The following KBTBD11 variants were observed in gnomAD, a reference collection of about 807,000 sequenced individuals.
KBTBD11 encodes kelch repeat and BTB domain containing 11, also known as kelch repeat and BTB domain-containing protein 11.
For synonymous variants in KBTBD11, 747 were observed against 499.0 expected, an observed-to-expected ratio of 1.50 and a Z score of -6.63; for missense variants, 1,390 against 1,001.8, an observed-to-expected ratio of 1.39 and a Z score of -5.23.
intron 1 of KBTBD11, among the ~76,000 whole-genome samples, chr8:1,993,199 A>G (rs1370550966): frequency 1.3e-5 from 2 of 151,998 alleles, no homozygotes; most frequent in Non-Finnish European, 2.9e-5. Context: ...CACCCACCTC[A>G]GCCTTCTGAA....
chr8:1,984,695 C>T (rs1816654597), intron 1 of KBTBD11, among the ~76,000 whole-genome samples: 1 of 152,136 alleles, frequency 6.6e-6, no homozygotes, highest in Admixed American at 6.5e-5. Flanking sequence ...CTTGACTTCC[C>T]ACAGGAGCAG....
intron 1 of KBTBD11, among the ~76,000 whole-genome samples, chr8:1,986,519 G>A (rs1008890620): frequency 6.6e-6 from 1 of 152,082 alleles, no homozygotes; most frequent in Non-Finnish European, 1.5e-5. Flanking sequence ...GAAACCAACA[G>A]CTCAGAACTT....
intron 1 of KBTBD11, among the ~76,000 whole-genome samples, chr8:1,987,320 G>A (rs1184905235): frequency 6.6e-6 from 1 of 152,178 alleles, no homozygotes; most frequent in East Asian, 1.9e-4. Context: ...GTTGAGACAT[G>A]CAGATCTAGG....
At chr8:1,998,888 T>C (rs7386546) in intron 1 of KBTBD11, among the ~76,000 whole-genome samples, 53,581 of 152,112 alleles carry the variant, frequency 0.35, 11,602 homozygotes, top group African/African-American at 0.62. Flanking sequence ...ACCGTTACAT[T>C]GTGGTCCTTT....
chr8:1,993,615 G>A (rs922197696), intron 1 of KBTBD11, among the ~76,000 whole-genome samples: 10 of 148,754 alleles, frequency 6.7e-5, no homozygotes, highest in Non-Finnish European at 1.5e-5. Flanking sequence ...AGTCCAGCCT[G>A]TGCTAATGGT....
chr8:1,983,868 G>A (rs1007508757), intron 1 of KBTBD11, among the ~76,000 whole-genome samples: 34 of 152,142 alleles, frequency 2.2e-4, no homozygotes, highest in African/African-American at 7.0e-4. Context: ...GGTGGCTTAC[G>A]CCTGTAATCC....
chr8:2,005,369 T>C lies in KBTBD11; in HGVS notation c.*2305T>C, dbSNP rs991529344. 2.4e-5 allele frequency: 4 copies of C among 167,120 alleles called. No individual in the cohort carries two copies. The highest frequency in any genetic ancestry group is 2.1e-4 in the South Asian group (1 of 4,836). 10.4% of individuals were successfully genotyped at this position (167,120 alleles called of 1,614,324 possible). ...TACACCACAGTTCTGAATAGTGATA[T>C]CACATAAAAATACATACTAGAGGAC... On this transcript the variant is annotated 3_prime_UTR_variant, in exon 2 of 2. Coordinates refer to ENST00000320248, the MANE Select transcript of KBTBD11 (RefSeq NM_014867.3).
intron 1 of KBTBD11, among the ~76,000 whole-genome samples, chr8:1,989,400 G>C (rs1244180336): frequency 6.6e-6 from 1 of 152,148 alleles, no homozygotes; most frequent in African/African-American, 2.4e-5. Context: ...GCGAGGACAG[G>C]CGCCAGCGGC....
intron 1 of KBTBD11, among the ~76,000 whole-genome samples, chr8:1,992,213 G>C (rs1439142675): frequency 6.6e-6 from 1 of 152,136 alleles, no homozygotes; most frequent in Non-Finnish European, 1.5e-5. Flanking sequence ...CCTCATCCCT[G>C]AGCCCGGGTT....
At chr8:1,984,831 C>A (rs979645147) in intron 1 of KBTBD11, among the ~76,000 whole-genome samples, 1 of 152,128 alleles carries the variant, frequency 6.6e-6, no homozygotes, top group Non-Finnish European at 1.5e-5. Flanking sequence ...GGAAATGAAA[C>A]CCCACTTTAA....
At chr8:1,981,900 C>G (rs544176284) in intron 1 of KBTBD11, among the ~76,000 whole-genome samples, 16 of 152,330 alleles carry the variant, frequency 1.1e-4, no homozygotes, top group African/African-American at 3.6e-4. Context: ...CCACTGGCTT[C>G]TCTGGTTCTC....
intron 1 of KBTBD11, among the ~76,000 whole-genome samples, chr8:1,982,256 C>T (rs1361015141): frequency 1.3e-5 from 2 of 152,072 alleles, no homozygotes; most frequent in East Asian, 1.9e-4. Context: ...ACAGTAGGTA[C>T]ACAAAAGGTA....
chr8:1,993,556 C>CCCATCCAT lies in KBTBD11; in HGVS notation c.-908-6701_-908-6694dup, dbSNP rs1184041692. On this transcript the variant is annotated intron_variant, in intron 1 of 1. Coordinates refer to ENST00000320248, the MANE Select transcript of KBTBD11 (RefSeq NM_014867.3). ...ACCCACCCACCCACCCACCCACCCACCCATCCATCCATCCATCCATCCATC... is the reference window on the plus strand; with the variant it reads ...ACCCACCCACCCACCCACCCACCCACCCATCCATCCATCCATCCATCCATCCATCCATC... 2.2e-3 allele frequency among the ~76,000 whole-genome samples: 159 copies of CCCATCCAT among 73,628 alleles called. 1 individual carries two copies. Among genetic ancestry groups the CCCATCCAT allele is most frequent in the South Asian group, 6.3e-3 (9 of 1,432 alleles). The allele number at this position is 73,628 out of a possible 152,430, so 48.3% of individuals were successfully genotyped here.
intron 1 of KBTBD11, among the ~76,000 whole-genome samples, chr8:1,996,327 C>T (rs1397348929): frequency 6.6e-6 from 1 of 152,028 alleles, no homozygotes; most frequent in African/African-American, 2.4e-5. Context: ...AGTGCAATGG[C>T]GTGATCTCGG....
Position 2,001,735 on chromosome 8 carries a change from G to C in KBTBD11, c.543G>C (p.Leu181=), listed in dbSNP as rs1196549116. 8 of 1,364,140 alleles carry C rather than the reference G, an allele frequency of 5.9e-6. No homozygotes were observed. Among genetic ancestry groups the C allele is most frequent in the Admixed American group, 3.4e-5 (1 of 29,144 alleles). 84.5% of individuals were successfully genotyped at this position (1,364,140 alleles called of 1,614,324 possible). A position where few individuals can be genotyped will look rare whatever the true frequency, so the allele number is the denominator to read the frequency against. The change falls in exon 2 of 2, where the codon CTG becomes CTC. Residue 181 remains leucine, a synonymous_variant. Transcript: ENST00000320248. Reference sequence around the variant, plus strand: ...TGCTGCGGGTGCAGGGAGTGAGCCTGACGGCGCTGCGGCTGCTCCTCGCCG... The same window carrying C: ...TGCTGCGGGTGCAGGGAGTGAGCCTCACGGCGCTGCGGCTGCTCCTCGCCG... ...RDVLRVQGVS[L]TALRLLLADA... is the part of the protein sequence containing the mutation.
intron 1 of KBTBD11, chr8:1,974,610 C>T (rs1816259802): frequency 3.0e-6 from 3 of 985,068 alleles, no homozygotes; most frequent in Non-Finnish European, 2.4e-6. Context: ...GACCCACCCG[C>T]CCCACCGCGC....
chr8:1,983,948 G>C (rs780227227), intron 1 of KBTBD11, among the ~76,000 whole-genome samples: 2 of 151,244 alleles, frequency 1.3e-5, no homozygotes, highest in Non-Finnish European at 2.9e-5. Context: ...TGGCCAACAA[G>C]GTGAAGCTCC....
intron 1 of KBTBD11, among the ~76,000 whole-genome samples, chr8:1,978,785 T>G (rs1286130716): frequency 6.6e-6 from 1 of 152,090 alleles, no homozygotes; most frequent in Non-Finnish European, 1.5e-5. Flanking sequence ...TCCACTAAGG[T>G]CATGTCCCTT....
intron 1 of KBTBD11, among the ~76,000 whole-genome samples, chr8:1,989,633 A>G (rs888497709): frequency 2.0e-4 from 31 of 152,216 alleles, no homozygotes; most frequent in African/African-American, 7.0e-4. Context: ...AATCTATGCA[A>G]CAAGTTTCAC....
Sources: allele counts gnomAD v4.1 joint callset (sites outside exome capture counted in the v4.1 genomes callset), GRCh38; gene constraint gnomAD v4.1.1; transcripts MANE v1.5; gene names NCBI Gene and HGNC (gene_info 2026-07-23, HGNC 2026-07-21).